DCLK1: variants seen among roughly 807,000 people sequenced by gnomAD.
DCLK1 encodes the protein serine/threonine-protein kinase DCLK1.
A neutral mutation model predicts 86.2 loss-of-function variants in DCLK1; 16 were observed. The observed-to-expected ratio is 0.19, with a 90% CI of 0.13 to 0.28. DCLK1 has a LOEUF of 0.28. DCLK1 is among the 10% of genes least tolerant of loss of function. DCLK1 has a pLI of 1.00. For missense variants in DCLK1, 590 were observed against 940.2 expected, an observed-to-expected ratio of 0.63 and a Z score of 4.87; for synonymous variants, 369 against 370.5, an observed-to-expected ratio of 1.00 and a Z score of 0.05.
At chr13:35,869,023 T>G (rs1214630606) in intron 5 of DCLK1, 6 of 460,158 alleles carry the variant, frequency 1.3e-5, no homozygotes, top group Non-Finnish European at 2.6e-5. Context: ...ACTCCTGACC[T>G]CAAGTGATCC....
chr13:35,793,441 T>G lies in DCLK1; in HGVS notation c.1983A>C (p.Val661=). Residue 661 remains valine (V), a synonymous_variant, in exon 16 of 17, where the codon GTA becomes GTC. Coordinates refer to ENST00000360631, the MANE Select transcript of DCLK1 (RefSeq NM_001330071.2). Reference sequence around the variant, plus strand: ...TGAAATGCTTCTTTATCTTTCCAGCTACTGACAGCTGATGTTCATTTTCTG... The same window carrying G: ...TGAAATGCTTCTTTATCTTTCCAGCGACTGACAGCTGATGTTCATTTTCTG... ...GLPENEHQLS[V]AGKIKKHFNT... The G allele has an allele frequency of 6.2e-7, 1 of 1,609,400 alleles. No homozygotes were observed. Among genetic ancestry groups the G allele is most frequent in the Non-Finnish European group, 8.5e-7 (1 of 1,177,572 alleles).
At chr13:36,109,911 A>G (rs75432640) in intron 3 of DCLK1, among the ~76,000 whole-genome samples, 1 of 152,170 alleles carries the variant, frequency 6.6e-6, no homozygotes, top group African/African-American at 2.4e-5. Context: ...TATTGTAGGG[A>G]TTTATTCCTG....
intron 10 of DCLK1, among the ~76,000 whole-genome samples, chr13:35,825,744 T>C (rs1303876947): frequency 1.3e-5 from 2 of 152,136 alleles, no homozygotes; most frequent in Non-Finnish European, 2.9e-5. Flanking sequence ...GGTAAAAAGA[T>C]AATTTAATAA....
chr13:35,912,940 C>T (rs1014942759), intron 4 of DCLK1, among the ~76,000 whole-genome samples: 1 of 152,212 alleles, frequency 6.6e-6, no homozygotes, highest in Non-Finnish European at 1.5e-5. Flanking sequence ...GAGTCTGCTC[C>T]TGCTGGCGCC....
Position 35,808,226 on chromosome 13 carries a change from T to C in DCLK1, c.1861A>G (p.Lys621Glu), listed in dbSNP as rs1471739635. The C allele has an allele frequency of 6.2e-7, 1 of 1,613,902 alleles. No individual in the cohort carries two copies. Among genetic ancestry groups the C allele is most frequent in the African/African-American group, 1.3e-5 (1 of 74,906 alleles). ...PYWDNVSDSAKELITMMLLVD... is the reference protein window; with the variant it reads ...PYWDNVSDSAEELITMMLLVD... ...AGAGGAAGGCACTGGACACCTACCT[T>C]TGCAGAATCGGAAACATTATCCCAG... The change falls in exon 14 of 17, where the codon AAG (lysine) becomes GAG (glutamate). Residue 621 changes from lysine (K) to glutamate (E), a missense_variant and splice_region_variant. Lys to Glu is a moderately conservative substitution (Grantham distance 56, BLOSUM62 1). Coordinates refer to ENST00000360631, the MANE Select transcript of DCLK1 (RefSeq NM_001330071.2).
At chr13:36,005,653 G>A (rs183510031) in intron 3 of DCLK1, among the ~76,000 whole-genome samples, 304 of 152,348 alleles carry the variant, frequency 2.0e-3, no homozygotes, top group Non-Finnish European at 3.2e-3. Context: ...CAAAGTGATA[G>A]CAAAGAGCAG....
At chr13:35,805,066 G>C (rs751449163) in intron 15 of DCLK1, among the ~76,000 whole-genome samples, 10 of 152,142 alleles carry the variant, frequency 6.6e-5, no homozygotes, top group Non-Finnish European at 5.9e-5. Flanking sequence ...GCAAAAAGCA[G>C]GACTGACTCA....
Position 35,946,534 on chromosome 13 carries a change from A to G in DCLK1, c.823+824T>C, listed in dbSNP as rs143727156. ...CAGCCACTATTTCAAAAGCTCACTG[A>G]TTTGTTTTTCTGCATTCATCTAAGC... is the stretch of plus-strand genomic sequence containing the variant. On this transcript the variant is annotated intron_variant, in intron 4 of 16. Transcript: ENST00000360631. Among the ~76,000 whole-genome samples, 8 of 134,912 alleles carry G rather than the reference A, an allele frequency of 5.9e-5. No individual in the cohort carries two copies. The East Asian group carries it at 1.6e-3, about 27-fold the overall frequency. 88.5% of individuals were successfully genotyped at this position (134,912 alleles called of 152,430 possible).
At chr13:36,053,046 C>T (rs1883182128) in intron 3 of DCLK1, among the ~76,000 whole-genome samples, 1 of 152,162 alleles carries the variant, frequency 6.6e-6, no homozygotes, top group African/African-American at 2.4e-5. Flanking sequence ...TTTCCCTTAG[C>T]TTCAACCAAT....
At chr13:36,028,581 G>A (rs1159238639) in intron 3 of DCLK1, among the ~76,000 whole-genome samples, 1 of 152,212 alleles carries the variant, frequency 6.6e-6, no homozygotes, top group Non-Finnish European at 1.5e-5. Context: ...CCCAGGTGAT[G>A]TCAGAGGCGT....
At chr13:35,995,169 C>T (rs558924596) in intron 3 of DCLK1, among the ~76,000 whole-genome samples, 1 of 152,190 alleles carries the variant, frequency 6.6e-6, no homozygotes, top group Non-Finnish European at 1.5e-5. Context: ...AGAGACAAAG[C>T]ATCCACATTC....
intron 11 of DCLK1, among the ~76,000 whole-genome samples, chr13:35,819,182 A>G (rs921336885): frequency 4.6e-5 from 7 of 152,172 alleles, no homozygotes; most frequent in African/African-American, 1.7e-4. Context: ...ATTTGGGGGG[A>G]AAAACTTTAG....
chr13:36,090,895 C>A (rs1172739935), intron 3 of DCLK1, among the ~76,000 whole-genome samples: 1 of 152,170 alleles, frequency 6.6e-6, no homozygotes, highest in East Asian at 1.9e-4. Flanking sequence ...CCCTCTCCTG[C>A]ACTGTTGTCA....
rs143854260 is a variant in DCLK1, at chr13:36,078,160, G to A, written c.723+33709C>T. On this transcript the variant is annotated intron_variant, in intron 3 of 16. Transcript: ENST00000360631. ...AGAGACCCCAGAGCTTCCACTCTAC[G>A]CCATGTGAGGACAGAGCAAACCAAG... 3.2e-4 allele frequency among the ~76,000 whole-genome samples: 48 copies of A among 152,276 alleles called. 1 individual carries two copies. In the South Asian group the frequency reaches 5.8e-3, roughly 18 times the overall value.
At chr13:35,842,445 A>T (rs144308348) in intron 6 of DCLK1, among the ~76,000 whole-genome samples, 2,879 of 151,932 alleles carry the variant, frequency 0.019, 36 homozygotes, top group South Asian at 0.031. Context: ...CTGAGGCAGG[A>T]GGCTTGCTTG....
intron 3 of DCLK1, among the ~76,000 whole-genome samples, chr13:35,984,598 T>C (rs1051694828): frequency 6.6e-6 from 1 of 152,244 alleles, no homozygotes; most frequent in African/African-American, 2.4e-5. Flanking sequence ...TCTATTTCTC[T>C]ACTTGGCAAA....
intron 3 of DCLK1, among the ~76,000 whole-genome samples, chr13:35,955,547 T>A (rs1232361918): frequency 6.6e-6 from 1 of 152,158 alleles, no homozygotes; most frequent in East Asian, 1.9e-4. Flanking sequence ...GGTTAGGATG[T>A]CAACATAGGA....
At position 36,040,671 on chromosome 13, in the gene DCLK1, G is replaced by A. The variant is rs73180266; in HGVS notation, c.723+71198C>T. Among the ~76,000 whole-genome samples, 514 of 151,996 alleles carry A rather than the reference G, an allele frequency of 3.4e-3. 5 individuals carry two copies. Among genetic ancestry groups the A allele is most frequent in the Non-Finnish European group, 6.0e-3 (409 of 67,952 alleles). ...ATGTGCAACTCACATTTTAAGGAGT[G>A]GGGAGTTATGTTCCACTTCCTTCAG... On this transcript the variant is annotated intron_variant, in intron 3 of 16. Transcript: ENST00000360631.
chr13:35,917,924 C>T (rs1875530183), intron 4 of DCLK1, among the ~76,000 whole-genome samples: 1 of 152,152 alleles, frequency 6.6e-6, no homozygotes, highest in South Asian at 2.1e-4. Flanking sequence ...GAGGTTCAGG[C>T]AGCCACGGGC....
Sources: allele counts gnomAD v4.1 joint callset (sites outside exome capture counted in the v4.1 genomes callset), GRCh38; gene constraint gnomAD v4.1.1; transcripts MANE v1.5; gene names NCBI Gene and HGNC (gene_info 2026-07-23, HGNC 2026-07-21).